RASGRF1: variants seen among roughly 807,000 people sequenced by gnomAD.
RASGRF1 encodes ras-specific guanine nucleotide-releasing factor 1.
RASGRF1 carries 40 observed loss-of-function variants against 138.7 expected under a neutral mutation model. The observed-to-expected ratio is 0.29, with a 90% CI of 0.22 to 0.38. The LOEUF is 0.38. Ranked by LOEUF, RASGRF1 falls within the 10% of genes least tolerant of loss-of-function variation. The pLI, the probability that RASGRF1 is intolerant of heterozygous loss-of-function variation, is 1.00. For synonymous variants in RASGRF1, 614 were observed against 663.2 expected, an observed-to-expected ratio of 0.93 and a Z score of 1.14; for missense variants, 1,108 against 1,650.4, an observed-to-expected ratio of 0.67 and a Z score of 5.69.
At chr15:78,978,441 T>G (rs561215782) in intron 24 of RASGRF1, 1 of 864,406 alleles carries the variant, frequency 1.2e-6, no homozygotes, top group East Asian at 1.2e-4. Context: ...GCAAGGTTGG[T>G]TTCTAGCTCC....
Position 78,960,806 on chromosome 15 carries a change from T to C in RASGRF1, c.*1338A>G, listed in dbSNP as rs2055533438. The C allele has an allele frequency of 6.6e-6, 1 of 152,196 alleles. No individual in the cohort carries two copies. Among genetic ancestry groups the C allele is most frequent in the African/African-American group, 2.4e-5 (1 of 41,446 alleles). The allele number at this position is 152,196 out of a possible 1,614,324, so 9.4% of individuals were successfully genotyped here. ...TGCCTAAAAAGCAGGTATGGTGTCC[T>C]TGACACTCTGGATCTCCGGTCCCAG... On this transcript the variant is annotated 3_prime_UTR_variant, in exon 27 of 27. Transcript: ENST00000558480.
chr15:78,962,241 G>T lies in RASGRF1; in HGVS notation c.3682-5C>A. On this transcript the variant is annotated splice_region_variant and splice_polypyrimidine_tract_variant and intron_variant, in intron 26 of 26. Coordinates refer to ENST00000558480, the MANE Select transcript of RASGRF1 (RefSeq NM_001145648.3). ...GTCCAGTAAATATTGCGTTACCTGA[G>T]AAAAGAAAAGAGAAAAGGGAATGGG... 6.6e-7 allele frequency: 1 copy of T among 1,524,058 alleles called. No homozygotes were observed. 94.4% of individuals were successfully genotyped at this position (1,524,058 alleles called of 1,614,324 possible). A position where few individuals can be genotyped will look rare whatever the true frequency, so the allele number is the denominator to read the frequency against.
chr15:78,968,588 T>C (rs1013552672), intron 26 of RASGRF1, among the ~76,000 whole-genome samples: 1 of 152,082 alleles, frequency 6.6e-6, no homozygotes, highest in South Asian at 2.1e-4. Flanking sequence ...CCAGCTGATA[T>C]ATATATATAT....
rs924396349 is a variant in RASGRF1, at chr15:79,058,304, G to A, written c.531+30C>T. The stretch of plus-strand genomic sequence containing the variant: ...CAGGGTTTGAGATGTTGTGCCTAGG[G>A]CCTGGGCCCACCCCCCAGCCCGCAG... On this transcript the variant is annotated intron_variant, in intron 3 of 26. Transcript: ENST00000558480. 3.1e-6 allele frequency: 5 copies of A among 1,606,186 alleles called. No individual in the cohort carries two copies. The African/African-American group carries it at 6.7e-5, about 21-fold the overall frequency.
At chr15:79,055,694 C>T (rs1443792741) in intron 3 of RASGRF1, among the ~76,000 whole-genome samples, 2 of 152,130 alleles carry the variant, frequency 1.3e-5, no homozygotes, top group African/African-American at 4.8e-5. Flanking sequence ...AATGCCCTGA[C>T]ACCATTTAAG....
At chr15:79,023,212 G>C (rs977130660) in intron 10 of RASGRF1, among the ~76,000 whole-genome samples, 3 of 151,778 alleles carry the variant, frequency 2.0e-5, no homozygotes, top group African/African-American at 7.3e-5. Flanking sequence ...CCCTTTCCAG[G>C]CCACAGTGTG....
intron 19 of RASGRF1, 27 bp from the exon 20 acceptor site, chr15:78,995,827 A>G (rs766311063): frequency 3.3e-5 from 54 of 1,613,402 alleles, no homozygotes; most frequent in Non-Finnish European, 4.4e-5. Context: ...AGGCACGGTG[A>G]GCCCCACTTC....
In RASGRF1 at chr15:79,001,644, T is replaced by G; in HGVS notation, c.2575+18A>C. 6.2e-7 allele frequency: 1 copy of G among 1,612,696 alleles called. No individual in the cohort carries two copies. The highest frequency in any genetic ancestry group is 8.5e-7 in the Non-Finnish European group (1 of 1,179,106). Reference sequence around the variant, plus strand: ...CAAACTGGAAATCTATTTGTGGTTTTGAATTGGTGCATTGTACCTGAAGAA... The same window carrying G: ...CAAACTGGAAATCTATTTGTGGTTTGGAATTGGTGCATTGTACCTGAAGAA... On this transcript the variant is annotated intron_variant, in intron 16 of 26. Transcript: ENST00000558480.
Position 79,004,126 on chromosome 15 carries a change from C to A in RASGRF1, c.2125G>T (p.Gly709Cys). The A allele has an allele frequency of 6.2e-7, 1 of 1,609,764 alleles. No individual in the cohort carries two copies. Among genetic ancestry groups the A allele is most frequent in the South Asian group, 1.1e-5 (1 of 90,740 alleles). The change falls in exon 15 of 27, where the codon GGT (glycine) becomes TGT (cysteine). Residue 709 changes from glycine (G) to cysteine (C), a missense_variant. Coordinates refer to ENST00000558480, the MANE Select transcript of RASGRF1 (RefSeq NM_001145648.3). ...ASGQNNKLLY[G>C]EPPKSPRATR... is the part of the protein sequence containing the mutation. ...GCGCGCGGGGACTTGGGGGGTTCAC[C>A]GTACAGGAGCTTATTGTTCTGGCCA... is the stretch of plus-strand genomic sequence containing the variant.
At chr15:79,034,180 C>G (rs868170766) in intron 6 of RASGRF1, among the ~76,000 whole-genome samples, 1 of 152,228 alleles carries the variant, frequency 6.6e-6, no homozygotes, top group Non-Finnish European at 1.5e-5. Context: ...GCTCTGTGCC[C>G]TCCACCTATG....
At chr15:78,993,152 G>A (rs1318077058) in intron 20 of RASGRF1, among the ~76,000 whole-genome samples, 1 of 140,232 alleles carries the variant, frequency 7.1e-6, no homozygotes, top group African/African-American at 2.7e-5. Flanking sequence ...TGTGTGTGGT[G>A]TGCCTGTGGG....
Position 79,073,077 on chromosome 15 carries a change from C to T in RASGRF1, c.277-8551G>A, listed in dbSNP as rs988858745. ...TAGAACTCTCCAATGCAACAGAGAG[C>T]CTCATGCCCACCTTCCCTGGGCCCT... is the stretch of plus-strand genomic sequence containing the variant. On this transcript the variant is annotated intron_variant, in intron 1 of 26. Coordinates refer to ENST00000558480, the MANE Select transcript of RASGRF1 (RefSeq NM_001145648.3). This position sits in a 1 kb window ranked among gnomAD's most constrained non-coding sequence, Gnocchi z 4.2. Among the ~76,000 whole-genome samples, 11 of 152,314 alleles carry T rather than the reference C, an allele frequency of 7.2e-5. No individual in the cohort carries two copies. In the East Asian group the frequency reaches 2.1e-3, roughly 29 times the overall value.
chr15:78,975,295 G>A (rs1446755922), intron 24 of RASGRF1, among the ~76,000 whole-genome samples: 3 of 151,796 alleles, frequency 2.0e-5, no homozygotes, highest in African/African-American at 7.3e-5. Context: ...TGAAATAAAG[G>A]TATATATTGT....
chr15:79,025,770 G>C (rs899445566), intron 9 of RASGRF1, among the ~76,000 whole-genome samples: 1 of 152,118 alleles, frequency 6.6e-6, no homozygotes, highest in Non-Finnish European at 1.5e-5. Flanking sequence ...AGAATGAAGG[G>C]CTGGGCTGAG....
intron 1 of RASGRF1, among the ~76,000 whole-genome samples, chr15:79,068,661 T>C (rs2057714196): frequency 6.6e-6 from 1 of 151,834 alleles, no homozygotes; most frequent in South Asian, 2.1e-4. Context: ...TCGATATATC[T>C]GGAGAATGTG....
chr15:79,000,048 G>C lies in RASGRF1; in HGVS notation c.2576-135C>G, dbSNP rs955163490. On this transcript the variant is annotated intron_variant, in intron 16 of 26. Coordinates refer to ENST00000558480, the MANE Select transcript of RASGRF1 (RefSeq NM_001145648.3). The stretch of plus-strand genomic sequence containing the variant: ...GTCTTCAGGGTACCAGGGCATGTCG[G>C]GTGGTGCTGGTGTGTGTGTGTGTCT... 116 of 869,598 alleles carry C rather than the reference G, an allele frequency of 1.3e-4. 1 individual carries two copies. The highest frequency in any genetic ancestry group is 5.7e-4 in the Middle Eastern group (2 of 3,482). The allele number at this position is 869,598 out of a possible 1,614,324, so 53.9% of individuals were successfully genotyped here.
At chr15:79,079,457 C>CA (rs11444328) in intron 1 of RASGRF1, among the ~76,000 whole-genome samples, 104,145 of 133,100 alleles carry the variant, frequency 0.78, 40,497 homozygotes, top group South Asian at 0.89. Context: ...AGAGACTGGC[C>CA]AAAAAAAAAA....
intron 4 of RASGRF1, among the ~76,000 whole-genome samples, chr15:79,048,141 G>GTA (rs1433190940): frequency 6.6e-6 from 1 of 152,226 alleles, no homozygotes. Context: ...CACTGGGGCT[G>GTA]TAGTAGAGAA....
At chr15:79,031,138 T>C (rs1567547894) in intron 8 of RASGRF1, among the ~76,000 whole-genome samples, 1 of 152,152 alleles carries the variant, frequency 6.6e-6, no homozygotes, top group East Asian at 1.9e-4. Context: ...CTGGGAGGTG[T>C]TGAGTGCCCA....
Sources: gnomAD v4.1 joint callset for allele counts (sites outside exome capture counted in the v4.1 genomes callset) on GRCh38, gnomAD v4.1.1 for gene constraint, Gnocchi (gnomAD v3.1) non-coding constraint, MANE v1.5 for transcripts, NCBI Gene and HGNC (gene_info 2026-07-23, HGNC 2026-07-21) for gene names.